Variants in TTC28 observed in about 807,000 individuals in gnomAD.
TTC28 encodes tetratricopeptide repeat domain 28, also known as tetratricopeptide repeat protein 28.
A neutral mutation model predicts 198.0 loss-of-function variants in TTC28; 61 were observed. The observed-to-expected ratio is 0.31, with a 90% CI of 0.25 to 0.38. TTC28 has a LOEUF of 0.38. TTC28 is among the 10% of genes least tolerant of loss of function. The pLI is 1.00. For missense variants in TTC28, 2,678 were observed against 3,164.0 expected (o/e 0.85, Z 3.69); for synonymous variants, 1,171 against 1,297.8 (o/e 0.90, Z 2.10).
intron 10 of TTC28, among the ~76,000 whole-genome samples, chr22:28,096,648 A>C (rs983912593): frequency 6.6e-6 from 1 of 152,088 alleles, no homozygotes. Flanking sequence ...TCTTGCAGCC[A>C]GCGCCACAAA....
At chr22:28,634,503 C>T (rs1344788509) in intron 1 of TTC28, among the ~76,000 whole-genome samples, 4 of 123,686 alleles carry the variant, frequency 3.2e-5, no homozygotes, top group Non-Finnish European at 6.5e-5. Context: ...GAGACTCCAT[C>T]TCAAAAAAAA....
At chr22:28,239,685 T>C (rs134185) in intron 5 of TTC28, among the ~76,000 whole-genome samples, 25,297 of 151,986 alleles carry the variant, frequency 0.17, 2,476 homozygotes, top group Middle Eastern at 0.29. Flanking sequence ...TGGGTTTTTT[T>C]CCCCTAGGAA....
intron 2 of TTC28, among the ~76,000 whole-genome samples, chr22:28,618,194 GAACCC>G (rs1283129077): frequency 6.6e-6 from 1 of 152,104 alleles, no homozygotes; most frequent in Non-Finnish European, 1.5e-5. Context: ...AGAATTGCTT[GAACCC>G]AGAAGACAGA....
chr22:28,234,121 T>G (rs1368476446), intron 5 of TTC28, among the ~76,000 whole-genome samples: 7 of 152,014 alleles, frequency 4.6e-5, no homozygotes, highest in African/African-American at 1.7e-4. Flanking sequence ...TTAGCCAGGA[T>G]GGTCTCGATC....
rs112133376 is a variant in TTC28, at chr22:28,252,713, T to G, written c.933+43485A>C. 1.0e-3 allele frequency among the ~76,000 whole-genome samples: 156 copies of G among 152,268 alleles called. 1 individual carries two copies. The highest frequency in any genetic ancestry group is 3.5e-3 in the African/African-American group (145 of 41,540). ...GCACCATCTTCTGGCAGAACTTGACTATGGGGACAGGTGTGATGGTAGTTA... is the reference window on the plus strand; with the variant it reads ...GCACCATCTTCTGGCAGAACTTGACGATGGGGACAGGTGTGATGGTAGTTA... On this transcript the variant is annotated intron_variant, in intron 5 of 22. Transcript: ENST00000397906.
At position 28,387,138 on chromosome 22, in the gene TTC28, C is replaced by A. The variant is rs371882919; in HGVS notation, c.382-80495G>T. ...GATAGTTTGCTGAGAATGATGGTTT[C>A]CAGTTTCATCCATGTCCCTACAAAG... On this transcript the variant is annotated intron_variant, in intron 2 of 22. Coordinates refer to ENST00000397906, the MANE Select transcript of TTC28 (RefSeq NM_001145418.2). Among the ~76,000 whole-genome samples the A allele has an allele frequency of 2.6e-5, 4 of 152,148 alleles. No homozygotes were observed. In the East Asian group the frequency reaches 7.7e-4, roughly 29 times the overall value.
intron 2 of TTC28, among the ~76,000 whole-genome samples, chr22:28,600,442 C>G (rs2146117312): frequency 6.6e-6 from 1 of 152,210 alleles, no homozygotes; most frequent in South Asian, 2.1e-4. Flanking sequence ...GGACATATAT[C>G]TCAATGAATG....
chr22:28,346,934 A>T (rs1285799883), intron 2 of TTC28, among the ~76,000 whole-genome samples: 1 of 152,186 alleles, frequency 6.6e-6, no homozygotes, highest in Non-Finnish European at 1.5e-5. Flanking sequence ...ATATTCAGTG[A>T]GGAGATCAGG....
At chr22:28,512,498 C>T (rs867659242) in intron 2 of TTC28, among the ~76,000 whole-genome samples, 13 of 152,064 alleles carry the variant, frequency 8.5e-5, no homozygotes, top group African/African-American at 2.4e-4. Flanking sequence ...CAGCATTATT[C>T]GCAATAGCAA....
intron 6 of TTC28, among the ~76,000 whole-genome samples, chr22:28,139,181 A>G (rs1182270792): frequency 6.6e-6 from 1 of 152,202 alleles, no homozygotes; most frequent in East Asian, 1.9e-4. Flanking sequence ...CACAATCCTG[A>G]GTCTCGAAAG....
At chr22:28,468,543 G>A (rs1287384728) in intron 2 of TTC28, among the ~76,000 whole-genome samples, 1 of 150,398 alleles carries the variant, frequency 6.6e-6, no homozygotes, top group Non-Finnish European at 1.5e-5. Context: ...TTGAGACAGA[G>A]TCTCACTCTG....
intron 12 of TTC28, among the ~76,000 whole-genome samples, chr22:28,049,416 C>G (rs1465143095): frequency 2.6e-5 from 4 of 152,126 alleles, no homozygotes; most frequent in Non-Finnish European, 1.5e-5. Flanking sequence ...GAACCTTAAA[C>G]TTTCTTCCTG....
chr22:28,126,378 C>G (rs920922547), intron 6 of TTC28, among the ~76,000 whole-genome samples: 1 of 152,142 alleles, frequency 6.6e-6, no homozygotes, highest in South Asian at 2.1e-4. Context: ...CACAATCTCA[C>G]GGTATTTGAG....
intron 2 of TTC28, among the ~76,000 whole-genome samples, chr22:28,406,416 A>G (rs1482231521): frequency 6.6e-6 from 1 of 152,218 alleles, no homozygotes; most frequent in East Asian, 1.9e-4. Flanking sequence ...TTAACACGGC[A>G]AATGTTTTCC....
At chr22:28,513,384 G>A (rs765396172) in intron 2 of TTC28, among the ~76,000 whole-genome samples, 2 of 152,130 alleles carry the variant, frequency 1.3e-5, no homozygotes, top group African/African-American at 2.4e-5. Flanking sequence ...AGCTGAAATG[G>A]AAGTGGTATA....
At chr22:28,371,598 A>ATTTTTTTTTTTTTTTTTTTTTTT (rs1409625873) in intron 2 of TTC28, among the ~76,000 whole-genome samples, 279 of 27,762 alleles carry the variant, frequency 0.01, 102 homozygotes, top group African/African-American at 0.027. Context: ...AAAAAAAAAA[A>ATTTTTTTTTTTTTTTTTTTTTTT]TTTTTTTTTT....
At chr22:28,458,184 G>C (rs2047893468) in intron 2 of TTC28, among the ~76,000 whole-genome samples, 1 of 151,992 alleles carries the variant, frequency 6.6e-6, no homozygotes, top group East Asian at 1.9e-4. Context: ...TTTAAAGTTT[G>C]ACTTCAAAAA....
At chr22:28,151,368 G>C (rs761663515) in intron 6 of TTC28, among the ~76,000 whole-genome samples, 7 of 152,182 alleles carry the variant, frequency 4.6e-5, no homozygotes, top group Non-Finnish European at 1.0e-4. Context: ...ATGGGACCTG[G>C]CAGCGAGCAG....
At chr22:28,345,738 T>C (rs2045893955) in intron 2 of TTC28, among the ~76,000 whole-genome samples, 2 of 152,218 alleles carry the variant, frequency 1.3e-5, no homozygotes. Flanking sequence ...AGGCATATTA[T>C]ATTGGTTTTA....
Sources: gnomAD v4.1 joint callset for allele counts (sites outside exome capture counted in the v4.1 genomes callset) on GRCh38, gnomAD v4.1.1 for gene constraint, MANE v1.5 for transcripts, NCBI Gene and HGNC (gene_info 2026-07-23, HGNC 2026-07-21) for gene names.